WDR64: variants seen among roughly 807,000 people sequenced by gnomAD.
The protein encoded by WDR64 is WD repeat-containing protein 64.
A neutral mutation model predicts 139.3 loss-of-function variants in WDR64; 112 were observed. The observed-to-expected ratio is 0.80, with a 90% CI of 0.69 to 0.94. The LOEUF (loss-of-function observed/expected upper bound fraction) is 0.94, where lower values mean the gene tolerates loss of function less well. WDR64 is among the 40% of genes least tolerant of loss of function. The pLI, the probability that WDR64 is intolerant of heterozygous loss-of-function variation, is 0.00. For missense variants in WDR64, 1,206 were observed against 1,293.1 expected (o/e 0.93, Z 1.03); for synonymous variants, 444 against 437.7 (o/e 1.01, Z -0.18).
At chr1:241,706,917 A>C (rs1667973865) in intron 8 of WDR64, among the ~76,000 whole-genome samples, 1 of 152,206 alleles carries the variant, frequency 6.6e-6, no homozygotes, top group African/African-American at 2.4e-5. Flanking sequence ...TGTTAGCCAA[A>C]TGCAGCTACA....
rs1324629038 is a variant in WDR64 at position 241,749,685 on chromosome 1, T to A, written c.1733T>A (p.Leu578Gln). 1.2e-6 allele frequency: 2 copies of A among 1,614,138 alleles called. No individual in the cohort carries two copies. The part of the protein sequence containing the change: ...KAQEKHQQLV[L>Q]ALERNGTIKM... Reference sequence around the variant, plus strand: ...CAAGAAAAACACCAGCAGCTGGTCCTGGCCTTGGAGCGCAACGGGACTATC... The same window carrying A: ...CAAGAAAAACACCAGCAGCTGGTCCAGGCCTTGGAGCGCAACGGGACTATC... Residue 578 changes from leucine (L) to glutamine (Q), a missense_variant, in exon 14 of 28, where the codon CTG (leucine) becomes CAG (glutamine). Leu to Gln is a moderately radical substitution (Grantham distance 113). Transcript: ENST00000437684.
chr1:241,787,816 T>C, intron 23 of WDR64, 33 bp from the exon 24 acceptor site: 2 of 1,534,114 alleles, frequency 1.3e-6, no homozygotes, highest in South Asian at 1.3e-5. Context: ...ATTTTCCAGT[T>C]ACTTTTTCCT....
intron 27 of WDR64, among the ~76,000 whole-genome samples, chr1:241,799,293 C>A (rs1659459141): frequency 6.8e-6 from 1 of 147,246 alleles, no homozygotes. Flanking sequence ...GGGAGGATCG[C>A]TTGAGCCTGG....
At chr1:241,783,531 A>C in intron 23 of WDR64, 150 bp downstream of exon 23, 1 of 607,736 alleles carries the variant, frequency 1.6e-6, no homozygotes, top group Non-Finnish European at 2.8e-6. Context: ...AAGGACTTTG[A>C]AAAGATGGCC....
chr1:241,682,063 C>T (rs1666819959), intron 6 of WDR64, among the ~76,000 whole-genome samples: 1 of 152,094 alleles, frequency 6.6e-6, no homozygotes, highest in Non-Finnish European at 1.5e-5. Context: ...AAGATTTTCT[C>T]CCACTCTGTG....
At chr1:241,659,732 C>T (rs1322503774) in intron 1 of WDR64, among the ~76,000 whole-genome samples, 1 of 152,064 alleles carries the variant, frequency 6.6e-6, no homozygotes, top group Non-Finnish European at 1.5e-5. Context: ...CGTTCATGTC[C>T]TTTGCCCACT....
chr1:241,781,236 C>T (rs1163111678), intron 22 of WDR64, among the ~76,000 whole-genome samples: 2 of 152,082 alleles, frequency 1.3e-5, no homozygotes, highest in Admixed American at 6.6e-5. Context: ...TATTGAGTTA[C>T]AAAATTAGTA....
At chr1:241,679,752 C>CTCTCTAA (rs1491405933) in intron 6 of WDR64, among the ~76,000 whole-genome samples, 157 bp downstream of exon 6, 2 of 152,142 alleles carry the variant, frequency 1.3e-5, no homozygotes, top group Non-Finnish European at 2.9e-5. Flanking sequence ...AGCATGTATA[C>CTCTCTAA]TCTCTAATTA....
intron 23 of WDR64, among the ~76,000 whole-genome samples, chr1:241,785,691 C>T (rs1386932729): frequency 6.6e-6 from 1 of 152,180 alleles, no homozygotes; most frequent in Non-Finnish European, 1.5e-5. Context: ...TCTTCATAAC[C>T]AAGCCATGTC....
intron 14 of WDR64, among the ~76,000 whole-genome samples, chr1:241,752,220 C>T (rs1670006833): frequency 6.6e-6 from 1 of 152,142 alleles, no homozygotes; most frequent in South Asian, 2.1e-4. Context: ...TAAAGACCTA[C>T]CAGCCAATTC....
intron 21 of WDR64, among the ~76,000 whole-genome samples, chr1:241,778,506 T>C (rs944156493): frequency 2.0e-5 from 3 of 152,212 alleles, no homozygotes; most frequent in Non-Finnish European, 4.4e-5. Context: ...AAGTAATTGA[T>C]TATTGACATA....
chr1:241,706,961 C>A (rs544759638), intron 8 of WDR64, among the ~76,000 whole-genome samples: 90 of 152,076 alleles, frequency 5.9e-4, no homozygotes, highest in African/African-American at 2.1e-3. Context: ...TTTTTTTGAT[C>A]TTTGCTTGTT....
At chr1:241,722,186 C>T (rs1215922219) in intron 9 of WDR64, among the ~76,000 whole-genome samples, 2 of 152,124 alleles carry the variant, frequency 1.3e-5, no homozygotes, top group South Asian at 2.1e-4. Flanking sequence ...AAATACCCAA[C>T]GGCATTAGCT....
At position 241,757,319 on chromosome 1, in the gene WDR64, G is replaced by C; in HGVS notation, c.1807G>C (p.Glu603Gln). ...EDDIYLMVIW[E>Q]LPDVVPFLQD... ...TGATATCTACCTCATGGTGATCTGG[G>C]AGCTGCCTGATGTTGTGCCTTTCCT... The change falls in exon 15 of 28, where the codon GAG becomes CAG. Residue 603 changes from glutamate (E) to glutamine (Q), a missense_variant. Coordinates refer to ENST00000437684, the MANE Select transcript of WDR64 (RefSeq NM_001367482.1). 1.2e-6 allele frequency: 2 copies of C among 1,613,950 alleles called. No individual in the cohort carries two copies. Among genetic ancestry groups the C allele is most frequent in the Non-Finnish European group, 1.7e-6 (2 of 1,179,952 alleles).
At position 241,744,566 on chromosome 1, in the gene WDR64, T is replaced by A. The variant is rs373272529; in HGVS notation, c.1594+50T>A. On this transcript the variant is annotated intron_variant, in intron 13 of 27. Transcript: ENST00000437684. ...CGTCCCTGCTTTAGTGTCCTGAGAATTTCCGCCAAAAACTCTTTCGTTCTT... is the reference window on the plus strand; with the variant it reads ...CGTCCCTGCTTTAGTGTCCTGAGAAATTCCGCCAAAAACTCTTTCGTTCTT... 7 of 1,605,442 alleles carry A rather than the reference T, an allele frequency of 4.4e-6. No homozygotes were observed. In the African/African-American group the frequency reaches 9.4e-5, roughly 22 times the overall value.
intron 23 of WDR64, 54 bp from the exon 24 acceptor site, chr1:241,787,795 A>T: frequency 6.7e-7 from 1 of 1,489,982 alleles, no homozygotes; most frequent in Non-Finnish European, 9.0e-7. Flanking sequence ...GAACAGAATA[A>T]CTTTGACCAA....
At chr1:241,716,166 T>C (rs1284281820) in intron 9 of WDR64, among the ~76,000 whole-genome samples, 1 of 151,976 alleles carries the variant, frequency 6.6e-6, no homozygotes, top group African/African-American at 2.4e-5. Flanking sequence ...TTGCTAAATG[T>C]ACGGTATGTA....
chr1:241,679,411 C>A, intron 5 of WDR64, 74 bp from the exon 6 acceptor site: 1 of 1,321,316 alleles, frequency 7.6e-7, no homozygotes, highest in Non-Finnish European at 1.1e-6. Context: ...TGTGACTAAC[C>A]TGCTCTTTGG....
chr1:241,771,701 A>C lies in WDR64; in HGVS notation c.2290+4A>C, dbSNP rs750064642. The stretch of plus-strand genomic sequence containing the variant: ...ATACATGACAGTGAGGTTAAAGGTC[A>C]GTATGAAATCACCTCTCTTCTTTAT... On this transcript the variant is annotated splice_donor_region_variant and intron_variant, in intron 19 of 27. Coordinates refer to ENST00000437684, the MANE Select transcript of WDR64 (RefSeq NM_001367482.1). 1 of 1,476,164 alleles carries C rather than the reference A, an allele frequency of 6.8e-7. No individual in the cohort carries two copies. The highest frequency in any genetic ancestry group is 1.4e-5 in the South Asian group (1 of 69,296). The allele number at this position is 1,476,164 out of a possible 1,614,324, so 91.4% of individuals were successfully genotyped here. A position where few individuals can be genotyped will look rare whatever the true frequency, so the allele number is the denominator to read the frequency against.
Sources: allele counts gnomAD v4.1 joint callset (sites outside exome capture counted in the v4.1 genomes callset), GRCh38; gene constraint gnomAD v4.1.1; transcripts MANE v1.5; gene names NCBI Gene and HGNC (gene_info 2026-07-23, HGNC 2026-07-21).